Variants in WSB2 observed in about 807,000 individuals in gnomAD.
The protein encoded by WSB2 is WD repeat and SOCS box containing 2.
WSB2 carries 12 observed loss-of-function variants against 48.8 expected under a neutral mutation model. The observed-to-expected ratio is 0.25, with a 90% CI of 0.16 to 0.40. WSB2 has a LOEUF of 0.40. Among genes scored for constraint, WSB2 ranks in the 10% least tolerant of loss-of-function variants. The pLI is 1.00. For missense variants in WSB2, 317 were observed against 506.2 expected, an observed-to-expected ratio of 0.63 and a Z score of 3.59; for synonymous variants, 191 against 203.1, an observed-to-expected ratio of 0.94 and a Z score of 0.51.
intron 8 of WSB2, 49 bp downstream of exon 8, chr12:118,034,937 T>A (rs1187820075): frequency 1.9e-6 from 3 of 1,564,156 alleles, no homozygotes; most frequent in Non-Finnish European, 2.6e-6. Flanking sequence ...AGCTCCATGG[T>A]ATACTCAGCA....
At chr12:118,044,933 G>C (rs1457767529) in intron 2 of WSB2, among the ~76,000 whole-genome samples, 2 of 152,178 alleles carry the variant, frequency 1.3e-5, no homozygotes, top group Admixed American at 1.3e-4. Flanking sequence ...TGCATACGTA[G>C]TTGAACATCT....
chr12:118,062,091 TTACC>T, upstream of WSB2: 1 of 1,535,028 alleles, frequency 6.5e-7, no homozygotes, highest in Non-Finnish European at 8.7e-7. Context: ...GACTGTCCCC[TTACC>T]TACCTACGGC....
chr12:118,053,021 G>A (rs1179650702), intron 1 of WSB2, among the ~76,000 whole-genome samples: 2 of 152,002 alleles, frequency 1.3e-5, no homozygotes, highest in Non-Finnish European at 2.9e-5. Flanking sequence ...CCGCTTCCAC[G>A]TCCTCTGTCT....
intron 1 of WSB2, among the ~76,000 whole-genome samples, chr12:118,057,753 A>T (rs2031983154): frequency 6.6e-6 from 1 of 150,438 alleles, no homozygotes; most frequent in African/African-American, 2.4e-5. Flanking sequence ...TTTCAAGTAT[A>T]TCATATTCAT....
intron 1 of WSB2, among the ~76,000 whole-genome samples, chr12:118,054,223 A>C (rs1163139659): frequency 2.0e-4 from 29 of 148,622 alleles, no homozygotes; most frequent in African/African-American, 5.7e-4. Flanking sequence ...AATCCAAAAA[A>C]AAAAAAAAAA....
chr12:118,061,960 G>T, upstream of WSB2: 2 of 799,948 alleles, frequency 2.5e-6, no homozygotes, highest in Non-Finnish European at 1.9e-6. Context: ...CTACTCAATG[G>T]CTCCGGTAAT....
chr12:118,049,354 C>G (rs1410448851), intron 2 of WSB2, among the ~76,000 whole-genome samples: 1 of 152,044 alleles, frequency 6.6e-6, no homozygotes, highest in South Asian at 2.1e-4. Context: ...TAACATGCAA[C>G]TAATTTCATG....
In WSB2 at chr12:118,060,948, A is replaced by T; in HGVS notation, c.13+88T>A. On this transcript the variant is annotated intron_variant, in intron 1 of 8. Transcript: ENST00000315436. The surrounding 1 kb of genome is among the most constrained non-coding windows in gnomAD (Gnocchi z 4.1). Reference sequence around the variant, plus strand: ...GTCCAGCCCCCGCCCCACCCCGCCCAGCCCGCCCCGGGGTCGCCTCCCCCC... The same window carrying T: ...GTCCAGCCCCCGCCCCACCCCGCCCTGCCCGCCCCGGGGTCGCCTCCCCCC... 6.4e-6 allele frequency: 1 copy of T among 157,054 alleles called. No individual in the cohort carries two copies. The highest frequency in any genetic ancestry group is 1.2e-5 in the Non-Finnish European group (1 of 84,776). The allele number at this position is 157,054 out of a possible 1,614,324, so 9.7% of individuals were successfully genotyped here.
At chr12:118,054,823 A>G (rs2031925345) in intron 1 of WSB2, among the ~76,000 whole-genome samples, 1 of 151,414 alleles carries the variant, frequency 6.6e-6, no homozygotes, top group African/African-American at 2.4e-5. Flanking sequence ...AATAAATCAT[A>G]TCAAGCCTTT....
chr12:118,061,266 G>T, upstream of WSB2: 1 of 846,682 alleles, frequency 1.2e-6, no homozygotes, highest in Non-Finnish European at 1.4e-6. Context: ...GGATAAAAAC[G>T]GTGGGGGGCA....
At chr12:118,056,042 C>A (rs2031952369) in intron 1 of WSB2, among the ~76,000 whole-genome samples, 1 of 152,018 alleles carries the variant, frequency 6.6e-6, no homozygotes, top group Non-Finnish European at 1.5e-5. Flanking sequence ...CCCGCCTGGC[C>A]CAGTAGGCAA....
upstream of WSB2, chr12:118,062,120 T>A: frequency 6.5e-7 from 1 of 1,535,318 alleles, no homozygotes; most frequent in South Asian, 1.2e-5. Flanking sequence ...GCCTCGCCTG[T>A]CCCCGTCCCC....
chr12:118,058,948 A>G (rs1382501930), intron 1 of WSB2, among the ~76,000 whole-genome samples: 1 of 152,072 alleles, frequency 6.6e-6, no homozygotes, highest in East Asian at 1.9e-4. Flanking sequence ...TGCCCGCCTC[A>G]GCCTCCCAAA....
intron 2 of WSB2, among the ~76,000 whole-genome samples, chr12:118,051,977 A>C (rs2031861498): frequency 6.6e-6 from 1 of 152,234 alleles, no homozygotes; most frequent in Non-Finnish European, 1.5e-5. Flanking sequence ...GTCTCAAAAA[A>C]TAAATAAATA....
chr12:118,043,526 C>G (rs112313151), intron 2 of WSB2, 149 bp from the exon 3 acceptor site: 3 of 1,213,256 alleles, frequency 2.5e-6, no homozygotes, highest in African/African-American at 3.0e-5. Context: ...CTCACTGCAG[C>G]CTCGACCTCC....
chr12:118,055,269 A>G (rs894417844), intron 1 of WSB2, among the ~76,000 whole-genome samples: 1 of 152,162 alleles, frequency 6.6e-6, no homozygotes, highest in Non-Finnish European at 1.5e-5. Context: ...TACTACTGCC[A>G]TCTAGTGGGT....
At position 118,061,143 on chromosome 12, in the gene WSB2, G is replaced by GGCC. The variant is rs942528147; in HGVS notation, c.-98_-96dup. The stretch of plus-strand genomic sequence containing the variant: ...GCCCCCGCGCCGCCCGCCCCGGCCA[G>GGCC]GCCGCCGCCGCCGCCCGGAGAGGCC... On this transcript the variant is annotated 5_prime_UTR_variant, in exon 1 of 9. Transcript: ENST00000315436. 49 of 981,878 alleles carry GGCC rather than the reference G, an allele frequency of 5.0e-5. No homozygotes were observed. In the East Asian group the frequency reaches 8.1e-4, roughly 16 times the overall value. 60.8% of individuals were successfully genotyped at this position (981,878 alleles called of 1,614,324 possible). A position where few individuals can be genotyped will look rare whatever the true frequency, so the allele number is the denominator to read the frequency against.
chr12:118,037,975 C>T (rs570874800), intron 5 of WSB2: 1 of 225,668 alleles, frequency 4.4e-6, no homozygotes, highest in East Asian at 9.4e-5. Flanking sequence ...AATTTGGATT[C>T]ACATGTGGGC....
chr12:118,039,838 G>A (rs1232177716), intron 4 of WSB2, among the ~76,000 whole-genome samples: 4 of 151,450 alleles, frequency 2.6e-5, no homozygotes, highest in Non-Finnish European at 5.9e-5. Flanking sequence ...CTGCCTCCTG[G>A]GTTCAAGCGA....
Sources: allele counts gnomAD v4.1 joint callset (sites outside exome capture counted in the v4.1 genomes callset), GRCh38; gene constraint gnomAD v4.1.1; non-coding constraint Gnocchi (gnomAD v3.1); transcripts MANE v1.5; gene names NCBI Gene and HGNC (gene_info 2026-07-23, HGNC 2026-07-21).